The following SPAG16 variants were observed in gnomAD, a reference collection of about 807,000 sequenced individuals.
SPAG16 encodes sperm-associated antigen 16 protein.
Under a neutral mutation model 80.4 loss-of-function variants are expected in SPAG16, and 86 were observed. That is an observed-to-expected ratio of 1.07 (90% confidence interval 0.90 to 1.28). SPAG16 has a LOEUF of 1.28. SPAG16 is among the 50% of genes most tolerant of loss of function. The pLI is 0.00. For synonymous variants in SPAG16, 294 were observed against 265.9 expected, an observed-to-expected ratio of 1.11 and a Z score of -1.03; for missense variants, 870 against 765.3, an observed-to-expected ratio of 1.14 and a Z score of -1.61.
At chr2:213,623,372 T>C (rs2125059514) in intron 10 of SPAG16, among the ~76,000 whole-genome samples, 1 of 152,246 alleles carries the variant, frequency 6.6e-6, no homozygotes, top group Admixed American at 6.5e-5. Context: ...TTCCTTGAAA[T>C]AGATAAAATA....
chr2:213,289,991 A>G (rs2062204804), intron 1 of SPAG16, among the ~76,000 whole-genome samples: 1 of 152,130 alleles, frequency 6.6e-6, no homozygotes, highest in African/African-American at 2.4e-5. Context: ...CCCTCATACC[A>G]ATTGGCACCT....
At chr2:213,746,977 CAGGTCCTTTAAGAAGTATT>C (rs2067854555) in intron 10 of SPAG16, among the ~76,000 whole-genome samples, 2 of 152,148 alleles carry the variant, frequency 1.3e-5, no homozygotes, top group Admixed American at 6.5e-5. Context: ...AAATCAGTCT[CAGGTCCTTTAAGAAGTATT>C]CCATAAGAAG....
intron 15 of SPAG16, among the ~76,000 whole-genome samples, chr2:214,250,753 TATATAGAG>T (rs1402165866): frequency 9.6e-4 from 95 of 99,458 alleles, no homozygotes; most frequent in African/African-American, 1.8e-3. Context: ...TATATATATA[TATATAGAG>T]AGAGAGAGAG....
intron 12 of SPAG16, among the ~76,000 whole-genome samples, chr2:213,961,844 T>C (rs1197883881): frequency 6.6e-6 from 1 of 152,142 alleles, no homozygotes; most frequent in African/African-American, 2.4e-5. Context: ...TATGGTTTTT[T>C]TTCTTGTTAT....
chr2:214,183,901 A>G (rs1043744169), intron 15 of SPAG16, among the ~76,000 whole-genome samples: 1 of 152,098 alleles, frequency 6.6e-6, no homozygotes, highest in African/African-American at 2.4e-5. Context: ...TAAGCTCCAT[A>G]CAGGATAAGT....
At chr2:214,034,426 G>A (rs2048578047) in intron 13 of SPAG16, among the ~76,000 whole-genome samples, 1 of 152,212 alleles carries the variant, frequency 6.6e-6, no homozygotes, top group South Asian at 2.1e-4. Flanking sequence ...AAACCTCCAT[G>A]GCCAGTGGTG....
chr2:213,930,214 C>CT (rs375981228), intron 12 of SPAG16, 69 bp downstream of exon 12: 32,088 of 934,034 alleles, frequency 0.034, 23 homozygotes, highest in South Asian at 0.039. Context: ...TGGTAAAGTT[C>CT]TTTTTTTTTT....
intron 9 of SPAG16, among the ~76,000 whole-genome samples, chr2:213,486,694 A>G (rs915548532): frequency 6.6e-6 from 1 of 152,094 alleles, no homozygotes; most frequent in East Asian, 1.9e-4. Context: ...TTAACTGGTT[A>G]TGAAACTGGG....
chr2:214,254,899 T>C (rs1196824448), intron 15 of SPAG16, among the ~76,000 whole-genome samples: 2 of 151,948 alleles, frequency 1.3e-5, no homozygotes, highest in Non-Finnish European at 2.9e-5. Flanking sequence ...CTGAAGGATG[T>C]AAGACCAAAA....
chr2:214,128,184 G>A (rs1435017217), intron 14 of SPAG16, among the ~76,000 whole-genome samples: 1 of 151,750 alleles, frequency 6.6e-6, no homozygotes, highest in African/African-American at 2.4e-5. Context: ...TGACGGGCAG[G>A]GGGAAAACCT....
At chr2:213,401,830 A>G (rs1329694098) in intron 9 of SPAG16, among the ~76,000 whole-genome samples, 1 of 152,080 alleles carries the variant, frequency 6.6e-6, no homozygotes, top group Non-Finnish European at 1.5e-5. Flanking sequence ...CTTGCTTTAT[A>G]ATACATTGAT....
intron 15 of SPAG16, among the ~76,000 whole-genome samples, chr2:214,275,649 T>A (rs531257487): frequency 9.8e-5 from 15 of 152,370 alleles, no homozygotes; most frequent in South Asian, 4.1e-4. Context: ...TGCACTGTGG[T>A]CTGAGAGACA....
chr2:213,325,345 T>C (rs1037421340), intron 5 of SPAG16, among the ~76,000 whole-genome samples: 6 of 152,082 alleles, frequency 3.9e-5, no homozygotes, highest in East Asian at 3.8e-4. Context: ...GCTTAAAATA[T>C]AGATTTTTAT....
intron 10 of SPAG16, among the ~76,000 whole-genome samples, chr2:213,492,405 C>T (rs1312167528): frequency 1.3e-5 from 2 of 151,978 alleles, no homozygotes; most frequent in Admixed American, 1.3e-4. Flanking sequence ...AAAAAATTAG[C>T]TGGGTGTGGT....
intron 12 of SPAG16, among the ~76,000 whole-genome samples, chr2:214,002,590 C>T (rs2046841942): frequency 6.6e-6 from 1 of 152,100 alleles, no homozygotes; most frequent in Non-Finnish European, 1.5e-5. Flanking sequence ...TGTCTGCAAG[C>T]TGGAGGCACA....
At chr2:214,135,301 C>T (rs1368229938) in intron 14 of SPAG16, among the ~76,000 whole-genome samples, 1 of 152,128 alleles carries the variant, frequency 6.6e-6, no homozygotes, top group Non-Finnish European at 1.5e-5. Context: ...GCTTTATATA[C>T]ATTGTCTTTA....
chr2:213,939,815 A>G (rs1559611008), intron 12 of SPAG16, among the ~76,000 whole-genome samples: 1 of 152,220 alleles, frequency 6.6e-6, no homozygotes, highest in African/African-American at 2.4e-5. Context: ...TCAAGCAATA[A>G]CAAATAGAGA....
Position 213,296,324 on chromosome 2 carries a change from T to C in SPAG16, c.183+214T>C, listed in dbSNP as rs2062494765. ...TGGAAAATACATCTGATTCTTTTGA[T>C]TTTCCTGTTAATCGTCCTTCAGGTT... On this transcript the variant is annotated intron_variant, in intron 2 of 15. Transcript: ENST00000331683. 2.6e-5 allele frequency among the ~76,000 whole-genome samples: 4 copies of C among 152,200 alleles called. No homozygotes were observed. In the South Asian group the frequency reaches 8.3e-4, roughly 32 times the overall value.
At chr2:213,666,965 A>G (rs1333008990) in intron 10 of SPAG16, among the ~76,000 whole-genome samples, 1 of 152,210 alleles carries the variant, frequency 6.6e-6, no homozygotes, top group Admixed American at 6.5e-5. Flanking sequence ...CAGTTGTAGA[A>G]TGCATTTCTA....
Sources: gnomAD v4.1 joint callset for allele counts (sites outside exome capture counted in the v4.1 genomes callset) on GRCh38, gnomAD v4.1.1 for gene constraint, MANE v1.5 for transcripts, NCBI Gene and HGNC (gene_info 2026-07-23, HGNC 2026-07-21) for gene names.